Variants in NPTN observed in about 807,000 individuals in gnomAD.
NPTN encodes SDR-1.
In NPTN, 5 loss-of-function variants were observed where a neutral mutation model predicts 42.7. That is an observed-to-expected ratio of 0.12 (90% confidence interval 0.06 to 0.25). The LOEUF is 0.25. NPTN is among the 10% of genes least tolerant of loss of function. NPTN has a pLI of 1.00. For missense variants in NPTN, 307 were observed against 525.4 expected, an observed-to-expected ratio of 0.58 and a Z score of 4.06; for synonymous variants, 180 against 201.9, an observed-to-expected ratio of 0.89 and a Z score of 0.92.
chr15:73,620,728 C>T (rs1027521148), intron 1 of NPTN, among the ~76,000 whole-genome samples: 12 of 152,194 alleles, frequency 7.9e-5, no homozygotes, highest in East Asian at 1.9e-4. Context: ...ACTGTTCTTT[C>T]GTTCATTTGG....
intron 4 of NPTN, among the ~76,000 whole-genome samples, chr15:73,582,627 G>A (rs943599959): frequency 3.3e-5 from 5 of 152,172 alleles, no homozygotes; most frequent in South Asian, 2.1e-4. Flanking sequence ...TCTGATGCCC[G>A]AGCCACAGTT....
chr15:73,616,629 A>C (rs1252601257), intron 1 of NPTN, among the ~76,000 whole-genome samples: 1 of 152,138 alleles, frequency 6.6e-6, no homozygotes, highest in Non-Finnish European at 1.5e-5. Context: ...CTTCACAATT[A>C]CTTCTTATTT....
At chr15:73,624,966 G>A (rs1303383828) in intron 1 of NPTN, among the ~76,000 whole-genome samples, 2 of 152,156 alleles carry the variant, frequency 1.3e-5, no homozygotes, top group Non-Finnish European at 2.9e-5. Flanking sequence ...AATGGCTAAT[G>A]TATAAATCCA....
At chr15:73,588,144 G>A (rs1224212319) in intron 3 of NPTN, among the ~76,000 whole-genome samples, 1 of 152,130 alleles carries the variant, frequency 6.6e-6, no homozygotes, top group African/African-American at 2.4e-5. Context: ...GGAGGCTGAG[G>A]CAGGAGAATC....
intron 1 of NPTN, among the ~76,000 whole-genome samples, chr15:73,625,130 A>G (rs1566992507): frequency 6.6e-6 from 1 of 152,192 alleles, no homozygotes; most frequent in Non-Finnish European, 1.5e-5. Context: ...AAACTACTCC[A>G]TACCTGAAAA....
intron 3 of NPTN, among the ~76,000 whole-genome samples, chr15:73,591,469 C>T (rs1896584388): frequency 6.6e-6 from 1 of 152,132 alleles, no homozygotes; most frequent in South Asian, 2.1e-4. Flanking sequence ...CCAGATCATT[C>T]AAGAGCCCTG....
At chr15:73,567,378 G>A in intron 6 of NPTN, 1 of 985,344 alleles carries the variant, frequency 1.0e-6, no homozygotes, top group East Asian at 1.1e-4. Context: ...AGCCACAGAT[G>A]GTTATCTGAT....
chr15:73,626,626 T>A (rs1482100977), intron 1 of NPTN, among the ~76,000 whole-genome samples: 10 of 152,210 alleles, frequency 6.6e-5, no homozygotes, highest in Admixed American at 6.5e-4. Flanking sequence ...CTCTTACTTG[T>A]GTGTTTTCCT....
At chr15:73,595,672 G>C (rs867268964) in intron 2 of NPTN, among the ~76,000 whole-genome samples, 3 of 152,176 alleles carry the variant, frequency 2.0e-5, no homozygotes, top group African/African-American at 4.8e-5. Flanking sequence ...ACTGGCTATA[G>C]ATCTCTCATT....
intron 1 of NPTN, among the ~76,000 whole-genome samples, chr15:73,629,480 C>T (rs1009605708): frequency 1.6e-4 from 24 of 151,310 alleles, no homozygotes; most frequent in Non-Finnish European, 2.8e-4. Context: ...AGCAAACAGC[C>T]CTTGACAGAA....
chr15:73,560,187 C>T lies in NPTN; in HGVS notation c.*876G>A. 7.3e-6 allele frequency: 2 copies of T among 275,520 alleles called. No homozygotes were observed. Among genetic ancestry groups the T allele is most frequent in the Non-Finnish European group, 1.3e-5 (2 of 149,196 alleles). 17.1% of individuals were successfully genotyped at this position (275,520 alleles called of 1,614,324 possible). A position where few individuals can be genotyped will look rare whatever the true frequency, so the allele number is the denominator to read the frequency against. ...ACCAGTAAATCAATGTGAAAAAATA[C>T]AGTGTCAAACCAAAAAGTATAACTA... is the stretch of plus-strand genomic sequence containing the variant. On this transcript the variant is annotated 3_prime_UTR_variant, in exon 9 of 9. Transcript: ENST00000345330.
At chr15:73,585,207 T>C (rs1317491992) in intron 4 of NPTN, among the ~76,000 whole-genome samples, 2 of 152,200 alleles carry the variant, frequency 1.3e-5, no homozygotes, top group African/African-American at 4.8e-5. Flanking sequence ...CACAGGAAGA[T>C]TCTCAGAGAC....
intron 1 of NPTN, among the ~76,000 whole-genome samples, chr15:73,627,561 A>G (rs1028921270): frequency 4.6e-4 from 70 of 152,334 alleles, no homozygotes; most frequent in Admixed American, 7.2e-4. Flanking sequence ...CATACGTAGG[A>G]AATTCTTTAA....
At chr15:73,625,493 G>T (rs1363447818) in intron 1 of NPTN, among the ~76,000 whole-genome samples, 1 of 151,950 alleles carries the variant, frequency 6.6e-6, no homozygotes, top group Non-Finnish European at 1.5e-5. Context: ...GACCACCCCT[G>T]GCTGATTTTT....
chr15:73,626,136 A>G (rs1357875877), intron 1 of NPTN, among the ~76,000 whole-genome samples: 1 of 152,250 alleles, frequency 6.6e-6, no homozygotes, highest in Non-Finnish European at 1.5e-5. Flanking sequence ...TAAAAATACA[A>G]ATAGTTAAGT....
intron 1 of NPTN, among the ~76,000 whole-genome samples, chr15:73,621,202 G>C (rs1281771704): frequency 6.6e-6 from 1 of 152,128 alleles, no homozygotes; most frequent in Non-Finnish European, 1.5e-5. Context: ...AGTGAGAGCA[G>C]TGAGCACACT....
intron 1 of NPTN, among the ~76,000 whole-genome samples, chr15:73,604,732 G>C (rs1302606590): frequency 6.6e-6 from 1 of 152,182 alleles, no homozygotes; most frequent in Non-Finnish European, 1.5e-5. Context: ...GTCATGGCAA[G>C]ATTCACATGA....
intron 1 of NPTN, among the ~76,000 whole-genome samples, chr15:73,605,233 G>A (rs766682961): frequency 1.8e-4 from 27 of 152,078 alleles, no homozygotes; most frequent in Non-Finnish European, 3.2e-4. Flanking sequence ...TGGACTGACT[G>A]TTTCCAAATC....
chr15:73,562,145 T>G (rs907374973), intron 7 of NPTN, among the ~76,000 whole-genome samples, 175 bp from the exon 8 acceptor site: 2 of 152,182 alleles, frequency 1.3e-5, no homozygotes, highest in Non-Finnish European at 2.9e-5. Flanking sequence ...AGGTTAAGTA[T>G]CCCTCATCTG....
Sources: allele counts gnomAD v4.1 joint callset (sites outside exome capture counted in the v4.1 genomes callset), GRCh38; gene constraint gnomAD v4.1.1; transcripts MANE v1.5; gene names NCBI Gene and HGNC (gene_info 2026-07-23, HGNC 2026-07-21).